Variants in FHIT observed in about 807,000 individuals in gnomAD.
FHIT encodes the protein bis(5'-adenosyl)-triphosphatase.
A neutral mutation model predicts 17.9 loss-of-function variants in FHIT; 19 were observed. The ratio of observed to expected loss-of-function variants is 1.06; its 90% CI spans 0.74 to 1.56. FHIT has a LOEUF of 1.56. Ranked by LOEUF, FHIT falls within the 40% of genes most tolerant of loss-of-function variation. The probability of loss-of-function intolerance (pLI) is 0.00; values close to 1 mark genes in which losing one functional copy is unlikely to be tolerated. For missense variants in FHIT, 248 were observed against 189.2 expected, an observed-to-expected ratio of 1.31 and a Z score of -1.82; for synonymous variants, 81 against 69.7, an observed-to-expected ratio of 1.16 and a Z score of -0.81.
rs556462994 is a variant in FHIT at position 60,908,596 on chromosome 3, T to C, written c.-110-86585A>G. ...ACAAAAAGCTATGGAGAAGAGAGAC[T>C]GAAACAGACAAAGGCGGTTGTACTA... is the stretch of plus-strand genomic sequence containing the variant. On this transcript the variant is annotated intron_variant, in intron 3 of 9. Coordinates refer to ENST00000492590, the MANE Select transcript of FHIT (RefSeq NM_002012.4). Among the ~76,000 whole-genome samples the C allele has an allele frequency of 3.1e-3, 466 of 149,504 alleles. 2 individuals carry two copies. The highest frequency in any genetic ancestry group is 0.011 in the African/African-American group (446 of 40,568).
intron 3 of FHIT, among the ~76,000 whole-genome samples, chr3:61,017,200 G>C (rs557405027): frequency 9.9e-5 from 15 of 152,206 alleles, no homozygotes; most frequent in Non-Finnish European, 2.1e-4. Flanking sequence ...TAAAGCAGGA[G>C]AATCACTTGA....
chr3:60,212,438 A>G (rs1039032681), intron 5 of FHIT, among the ~76,000 whole-genome samples: 1 of 152,220 alleles, frequency 6.6e-6, no homozygotes, highest in African/African-American at 2.4e-5. Context: ...TCAAAGCACC[A>G]GAAGACTCCC....
At position 59,869,484 on chromosome 3, in the gene FHIT, CT is replaced by C. The variant is rs59589849; in HGVS notation, c.348+52861del. On this transcript the variant is annotated intron_variant, in intron 8 of 9. Coordinates refer to ENST00000492590, the MANE Select transcript of FHIT (RefSeq NM_002012.4). The stretch of plus-strand genomic sequence containing the variant: ...ATTCCATCTTTCCTTAAAGAACATC[CT>C]TTTTTTTTTTTTTTTAGACAGAGTC... Among the ~76,000 whole-genome samples the C allele has an allele frequency of 8.4e-3, 888 of 105,412 alleles. 32 individuals carry two copies. Among genetic ancestry groups the C allele is most frequent in the African/African-American group, 0.012 (278 of 24,112 alleles). 69.2% of individuals were successfully genotyped at this position (105,412 alleles called of 152,430 possible).
At chr3:61,072,775 C>T (rs1225869084) in intron 2 of FHIT, among the ~76,000 whole-genome samples, 1 of 151,770 alleles carries the variant, frequency 6.6e-6, no homozygotes, top group Admixed American at 6.6e-5. Flanking sequence ...AGCAAAAGTG[C>T]CAAGCTCATG....
intron 2 of FHIT, among the ~76,000 whole-genome samples, chr3:61,085,609 G>A (rs565374339): frequency 1.1e-4 from 16 of 151,924 alleles, no homozygotes; most frequent in Admixed American, 5.9e-4. Flanking sequence ...AATAACTCAC[G>A]TTTTAAAATG....
chr3:61,207,552 G>T (rs773324351), intron 1 of FHIT, among the ~76,000 whole-genome samples: 76 of 151,870 alleles, frequency 5.0e-4, no homozygotes, highest in Non-Finnish European at 1.0e-3. Context: ...TCTTGGGAGG[G>T]TGTATGTGTC....
chr3:60,192,450 T>A (rs951466897), intron 5 of FHIT, among the ~76,000 whole-genome samples: 1 of 152,122 alleles, frequency 6.6e-6, no homozygotes, highest in African/African-American at 2.4e-5. Flanking sequence ...CTCATCTCCC[T>A]ACCTCCCAAA....
intron 2 of FHIT, among the ~76,000 whole-genome samples, chr3:61,176,864 T>C (rs1473427324): frequency 1.3e-5 from 2 of 152,118 alleles, no homozygotes; most frequent in African/African-American, 2.4e-5. Context: ...TAAGCATTTG[T>C]GGCAAAGAGA....
chr3:60,006,649 G>T (rs552236947), intron 7 of FHIT, among the ~76,000 whole-genome samples: 1 of 147,394 alleles, frequency 6.8e-6, no homozygotes, highest in Admixed American at 6.8e-5. Context: ...TAGGGTTTCC[G>T]CATTCAAAAA....
At chr3:60,592,949 G>T (rs1047187572) in intron 4 of FHIT, among the ~76,000 whole-genome samples, 17 of 152,202 alleles carry the variant, frequency 1.1e-4, no homozygotes, top group African/African-American at 3.9e-4. Context: ...TATAGCAAAG[G>T]TCCCAGTGGC....
chr3:60,335,576 A>C (rs1229441998), intron 5 of FHIT, among the ~76,000 whole-genome samples: 2 of 152,186 alleles, frequency 1.3e-5, no homozygotes. Flanking sequence ...GAGGGTAACC[A>C]ATCACCACAC....
chr3:60,485,550 G>T (rs1456354064), intron 5 of FHIT, among the ~76,000 whole-genome samples: 1 of 151,584 alleles, frequency 6.6e-6, no homozygotes, highest in East Asian at 1.9e-4. Flanking sequence ...AACTAACAAA[G>T]AACAGAAAAC....
At chr3:61,212,144 T>A (rs910510352) in intron 1 of FHIT, among the ~76,000 whole-genome samples, 5 of 152,154 alleles carry the variant, frequency 3.3e-5, no homozygotes, top group African/African-American at 1.2e-4. Flanking sequence ...GGAATAAAGC[T>A]GGATGGAAAA....
intron 5 of FHIT, among the ~76,000 whole-genome samples, chr3:60,515,519 C>G (rs1323621945): frequency 6.6e-6 from 1 of 151,264 alleles, no homozygotes; most frequent in Non-Finnish European, 1.5e-5. Context: ...AGGCTACTGT[C>G]ATAGACCTGG....
chr3:60,028,544 A>T (rs1280811800), intron 5 of FHIT, among the ~76,000 whole-genome samples: 1 of 152,236 alleles, frequency 6.6e-6, no homozygotes, highest in Admixed American at 6.5e-5. Flanking sequence ...CTGATCTTCC[A>T]GTGATGAACC....
intron 3 of FHIT, among the ~76,000 whole-genome samples, chr3:60,983,447 G>T (rs904888514): frequency 2.0e-5 from 3 of 152,176 alleles, no homozygotes; most frequent in African/African-American, 7.2e-5. Context: ...ATAAGTCAGG[G>T]TAAGAAGGAG....
At chr3:60,792,820 G>A (rs951366990) in intron 4 of FHIT, among the ~76,000 whole-genome samples, 3 of 143,446 alleles carry the variant, frequency 2.1e-5, no homozygotes, top group Admixed American at 1.4e-4. Context: ...ACTGCCCTTC[G>A]AGAAAACAAT....
At chr3:60,630,949 A>C (rs1409993471) in intron 4 of FHIT, among the ~76,000 whole-genome samples, 20 of 98,490 alleles carry the variant, frequency 2.0e-4, no homozygotes, top group Non-Finnish European at 3.3e-4. Context: ...AAAAAAAAAA[A>C]AAAAAAACAC....
At chr3:60,884,672 A>G (rs1553758855) in intron 3 of FHIT, among the ~76,000 whole-genome samples, 2 of 152,022 alleles carry the variant, frequency 1.3e-5, no homozygotes. Context: ...AGTGGCTCAT[A>G]TCTGGAATCC....
Sources: allele counts gnomAD v4.1 joint callset (sites outside exome capture counted in the v4.1 genomes callset), GRCh38; gene constraint gnomAD v4.1.1; transcripts MANE v1.5; gene names NCBI Gene and HGNC (gene_info 2026-07-23, HGNC 2026-07-21).